The following DDB1 variants were observed in gnomAD, a reference collection of about 807,000 sequenced individuals.
The protein encoded by DDB1 is damage specific DNA binding protein 1.
A neutral mutation model predicts 133.1 loss-of-function variants in DDB1; 18 were observed. That is an observed-to-expected ratio of 0.14 (90% CI 0.09 to 0.20). The LOEUF (loss-of-function observed/expected upper bound fraction) is 0.20. Ranked by LOEUF, DDB1 falls within the 10% of genes least tolerant of loss-of-function variation. The pLI is 1.00. For missense variants in DDB1, 828 were observed against 1,459.2 expected (o/e 0.57, Z 7.05); for synonymous variants, 580 against 550.5 (o/e 1.05, Z -0.75).
chr11:61,309,722 T>C, intron 20 of DDB1, 74 bp downstream of exon 20: 1 of 1,522,926 alleles, frequency 6.6e-7, no homozygotes, highest in African/African-American at 1.4e-5. Flanking sequence ...TGAGGCTCTC[T>C]GAAACCTCAC....
chr11:61,304,923 C>T (rs1057388217), intron 21 of DDB1, among the ~76,000 whole-genome samples: 1 of 151,818 alleles, frequency 6.6e-6, no homozygotes, highest in Non-Finnish European at 1.5e-5. Context: ...TTTTCTGTCT[C>T]CACCACAGTG....
intron 16 of DDB1, among the ~76,000 whole-genome samples, chr11:61,313,226 A>C (rs1053667814): frequency 3.3e-5 from 5 of 152,234 alleles, no homozygotes; most frequent in Admixed American, 6.5e-5. Context: ...ATTAGGGATT[A>C]TGAAACAGTC....
chr11:61,312,583 C>T (rs920535652), intron 16 of DDB1, among the ~76,000 whole-genome samples: 1 of 147,696 alleles, frequency 6.8e-6, no homozygotes, highest in African/African-American at 2.5e-5. Flanking sequence ...AATCTAAGCT[C>T]ACTGCAACCT....
intron 10 of DDB1, 119 bp downstream of exon 10, chr11:61,321,476 A>T: frequency 2.6e-6 from 2 of 765,816 alleles, no homozygotes; most frequent in South Asian, 3.2e-5. Flanking sequence ...TGTTGTTACG[A>T]CTTTCACTCT....
chr11:61,328,102 C>A (rs1453740668), intron 4 of DDB1, among the ~76,000 whole-genome samples: 2 of 152,142 alleles, frequency 1.3e-5, no homozygotes, highest in African/African-American at 4.8e-5. Context: ...GAACAACCAG[C>A]CTTGAATAAT....
rs763289705 is a variant in DDB1, at chr11:61,309,012, C to T, written c.2632G>A (p.Gly878Arg). 10 of 1,614,164 alleles carry T rather than the reference C, an allele frequency of 6.2e-6. No individual in the cohort carries two copies. Among genetic ancestry groups the T allele is most frequent in the Non-Finnish European group, 7.6e-6 (9 of 1,180,036 alleles). Reference protein sequence around the residue: ...GAVYSMVEFNGKLLASINSTV... With the variant: ...GAVYSMVEFNRKLLASINSTV... ...CTATTGATGCTGGCTAACAGCTTCC[C>T]GTTAAATTCCACCATAGAGTACACG... Residue 878 changes from glycine to arginine, a missense_variant, in exon 21 of 27, where the codon GGG becomes AGG. Coordinates refer to ENST00000301764, the MANE Select transcript of DDB1 (RefSeq NM_001923.5).
Position 61,303,172 on chromosome 11 carries a change from T to C in DDB1, c.2833-17A>G. ...TCGAGCAATCTTAAAACAGACAAGG[T>C]GAAAGAAGAAAGCATAATCAGCAGT... On this transcript the variant is annotated splice_polypyrimidine_tract_variant and intron_variant, in intron 22 of 26. Coordinates refer to ENST00000301764, the MANE Select transcript of DDB1 (RefSeq NM_001923.5). The C allele has an allele frequency of 6.2e-7, 1 of 1,610,570 alleles. No homozygotes were observed. Among genetic ancestry groups the C allele is most frequent in the Non-Finnish European group, 8.5e-7 (1 of 1,176,924 alleles).
At chr11:61,305,896 A>G (rs1855874746) in intron 21 of DDB1, among the ~76,000 whole-genome samples, 1 of 152,204 alleles carries the variant, frequency 6.6e-6, no homozygotes, top group African/African-American at 2.4e-5. Context: ...TACACACCAG[A>G]TTTTGAATTA....
intron 20 of DDB1, 134 bp from the exon 21 acceptor site, chr11:61,309,211 G>T: frequency 1.3e-6 from 1 of 750,902 alleles, no homozygotes; most frequent in South Asian, 1.6e-5. Context: ...CACAGACTCA[G>T]TATCTACTGG....
At chr11:61,314,941 T>C (rs1029744485) in intron 12 of DDB1, 1 of 150,186 alleles carries the variant, frequency 6.7e-6, no homozygotes, top group Admixed American at 6.7e-5. Flanking sequence ...GCCATTCTCC[T>C]GCCTCAGCCT....
At chr11:61,304,876 TAAAA>T (rs757285412) in intron 21 of DDB1, among the ~76,000 whole-genome samples, 1 of 109,586 alleles carries the variant, frequency 9.1e-6, no homozygotes, top group African/African-American at 3.4e-5. Flanking sequence ...AGACTCCGCC[TAAAA>T]AAAAAAAAAA....
Position 61,314,328 on chromosome 11 carries a change from A to C in DDB1, c.1569T>G (p.Pro523=). 1 of 1,612,760 alleles carries C rather than the reference A, an allele frequency of 6.2e-7. No homozygotes were observed. The highest frequency in any genetic ancestry group is 1.7e-5 in the Admixed American group (1 of 59,614). The change falls in exon 13 of 27, where the codon CCT becomes CCG. Residue 523 remains proline (P), a synonymous_variant. Transcript: ENST00000301764. Reference sequence around the variant, plus strand: ...CACACCTGATCTGCCGGAGCTCCTGAGGATGGATCTGCAGATAGTAGAGGG... The same window carrying C: ...CACACCTGATCTGCCGGAGCTCCTGCGGATGGATCTGCAGATAGTAGAGGG... The part of the protein sequence containing the change: ...GRALYYLQIH[P]QELRQISHTE...
rs1166739129 is a variant in DDB1, at chr11:61,300,181, T to C, written c.3378A>G (p.Ala1126=). 1 of 1,614,080 alleles carries C rather than the reference T, an allele frequency of 6.2e-7. No individual in the cohort carries two copies. The highest frequency in any genetic ancestry group is 2.2e-5 in the East Asian group (1 of 44,884). ...CCTCCACAACCTTGATGAGGTCGTCTGCAGTGGCCTCTCGCTTCATACCGC... is the reference window on the plus strand; with the variant it reads ...CCTCCACAACCTTGATGAGGTCGTCCGCAGTGGCCTCTCGCTTCATACCGC... ...DGSGMKREAT[A]DDLIKVVEEL... The change falls in exon 27 of 27, where the codon GCA becomes GCG. Residue 1126 remains alanine (A), a synonymous_variant. Transcript: ENST00000301764.
intron 21 of DDB1, 91 bp from the exon 22 acceptor site, chr11:61,304,126 A>G: frequency 6.9e-7 from 1 of 1,452,200 alleles, no homozygotes; most frequent in South Asian, 1.2e-5. Flanking sequence ...CTGCAGCACT[A>G]CTTCTCAAAG....
At chr11:61,324,912 G>A (rs886587027) in intron 6 of DDB1, among the ~76,000 whole-genome samples, 3 of 152,210 alleles carry the variant, frequency 2.0e-5, no homozygotes, top group Non-Finnish European at 4.4e-5. Flanking sequence ...ACTTTGGGAG[G>A]CTGAGGCGGA....
At chr11:61,311,467 C>T (rs984732146) in intron 18 of DDB1, 1 of 269,500 alleles carries the variant, frequency 3.7e-6, no homozygotes, top group East Asian at 7.3e-5. Context: ...AACAAACAAA[C>T]CTGGAAGCCC....
chr11:61,328,827 G>C (rs1856315408), intron 4 of DDB1, among the ~76,000 whole-genome samples: 1 of 152,010 alleles, frequency 6.6e-6, no homozygotes, highest in African/African-American at 2.4e-5. Context: ...CCAAGATCAG[G>C]CCATCGCACT....
At chr11:61,304,319 G>A (rs1855849014) in intron 21 of DDB1, among the ~76,000 whole-genome samples, 1 of 151,920 alleles carries the variant, frequency 6.6e-6, no homozygotes, top group South Asian at 2.1e-4. Flanking sequence ...GTGGGTAGTC[G>A]GGCTTGGTGG....
At position 61,302,579 on chromosome 11, in the gene DDB1, T is replaced by C. The variant is rs1855816857; in HGVS notation, c.3112+3A>G. 6.2e-7 allele frequency: 1 copy of C among 1,614,106 alleles called. No individual in the cohort carries two copies. Among genetic ancestry groups the C allele is most frequent in the Non-Finnish European group, 8.5e-7 (1 of 1,179,982 alleles). On this transcript the variant is annotated splice_donor_region_variant and intron_variant, in intron 24 of 26. Transcript: ENST00000301764. ...GGGGTGTGCCCCACAGGGGTGACCT[T>C]ACCTATCATGCCGTTGACCGTGCCG... is the stretch of plus-strand genomic sequence containing the variant.
Sources: gnomAD v4.1 joint callset for allele counts (sites outside exome capture counted in the v4.1 genomes callset) on GRCh38, gnomAD v4.1.1 for gene constraint, MANE v1.5 for transcripts, NCBI Gene and HGNC (gene_info 2026-07-23, HGNC 2026-07-21) for gene names.